The following TMEM230 variants were observed in gnomAD, a reference collection of about 807,000 sequenced individuals.
The protein encoded by TMEM230 is transmembrane protein 230.
In TMEM230, 10 loss-of-function variants were observed where a neutral mutation model predicts 15.8. The ratio of observed to expected loss-of-function variants is 0.63; its 90% CI spans 0.39 to 1.07. The LOEUF (loss-of-function observed/expected upper bound fraction) is 1.07. Among genes scored for constraint, TMEM230 ranks in the 50% least tolerant of loss-of-function variants. The pLI, the probability that TMEM230 is intolerant of heterozygous loss-of-function variation, is 0.01. For missense variants in TMEM230, 165 were observed against 193.3 expected (o/e 0.85, Z 0.87); for synonymous variants, 67 against 76.9 (o/e 0.87, Z 0.68).
chr20:5,104,074 G>GA (rs372230596), intron 4 of TMEM230, among the ~76,000 whole-genome samples: 172 of 151,970 alleles, frequency 1.1e-3, no homozygotes, highest in African/African-American at 3.7e-3. Flanking sequence ...AACTCTGTAG[G>GA]AAAAAAAATC....
Position 5,088,800 on chromosome 20 carries a change from C to A in TMEM230, c.222+17388G>T, listed in dbSNP as rs141102828. On this transcript the variant is annotated intron_variant, in intron 3 of 3. Transcript: ENST00000612323. The stretch of plus-strand genomic sequence containing the variant: ...AAGTGCTGATATTACAGGCGTGAGC[C>A]ACCATGCCCAACCCAGAACCAGGTT... Among the ~76,000 whole-genome samples the A allele has an allele frequency of 8.5e-5, 13 of 152,300 alleles. No individual in the cohort carries two copies. The East Asian group carries it at 2.5e-3, about 29-fold the overall frequency.
chr20:5,106,412 GTTTGT>G (rs2090095203), intron 3 of TMEM230, 102 bp from the exon 3 acceptor site: 2 of 1,397,376 alleles, frequency 1.4e-6, no homozygotes, highest in South Asian at 3.0e-5. Flanking sequence ...GTTTTTGTTT[GTTTGT>G]TTTGAGATGG....
chr20:5,062,491 C>G, the TMEM230 span, among the ~76,000 whole-genome samples: 1 of 152,156 alleles, frequency 6.6e-6, no homozygotes, highest in South Asian at 2.1e-4. Context: ...CACAGTGGCT[C>G]ACACCTGTAA....
chr20:5,090,112 AC>A lies in TMEM230; in HGVS notation c.222+16075del, dbSNP rs112012604. 1.0e-3 allele frequency among the ~76,000 whole-genome samples: 156 copies of A among 152,340 alleles called. 3 individuals carry two copies. The South Asian group carries it at 0.015, about 15-fold the overall frequency. ...CAAAAAGACAAAATATGGAAAAGAGACAAAAATATGAAAAATAGAAAAGGAC... is the reference window on the plus strand; with the variant it reads ...CAAAAAGACAAAATATGGAAAAGAGAAAAAATATGAAAAATAGAAAAGGAC... On this transcript the variant is annotated intron_variant, in intron 3 of 3. Transcript: ENST00000612323.
In TMEM230 at chr20:5,099,920, A is replaced by C; in HGVS notation, c.*871T>G. ...TTTTAATTTCTTTGGAATATAAGTC[A>C]CTTTTTGCAAGCTAAAAAATAGAAT... is the stretch of plus-strand genomic sequence containing the variant. On this transcript the variant is annotated 3_prime_UTR_variant, in exon 5 of 5. Coordinates refer to ENST00000342308, the MANE Select transcript of TMEM230 (RefSeq NM_001009923.2). The C allele has an allele frequency of 2.0e-6, 2 of 984,956 alleles. No homozygotes were observed. The highest frequency in any genetic ancestry group is 2.4e-6 in the Non-Finnish European group (2 of 829,476). 61.0% of individuals were successfully genotyped at this position (984,956 alleles called of 1,614,324 possible).
At chr20:5,079,512 A>G (rs2089114152) in intron 3 of TMEM230, among the ~76,000 whole-genome samples, 1 of 152,058 alleles carries the variant, frequency 6.6e-6, no homozygotes, top group Non-Finnish European at 1.5e-5. Flanking sequence ...GTTTTTAGAG[A>G]CAGCTTGCTC....
chr20:5,085,966 TCC>T (rs1337349310), intron 3 of TMEM230, among the ~76,000 whole-genome samples: 2 of 152,284 alleles, frequency 1.3e-5, no homozygotes, highest in East Asian at 3.9e-4. Context: ...CACAGGCTGC[TCC>T]ATCAGTCCAG....
intron 3 of TMEM230, among the ~76,000 whole-genome samples, chr20:5,090,248 CA>C (rs2089469569): frequency 1.3e-5 from 2 of 152,008 alleles, no homozygotes; most frequent in African/African-American, 4.8e-5. Flanking sequence ...CATGAGTTTC[CA>C]GACTGAAAGG....
intron 3 of TMEM230, among the ~76,000 whole-genome samples, chr20:5,092,536 G>A (rs2089540333): frequency 6.6e-6 from 1 of 152,084 alleles, no homozygotes; most frequent in Middle Eastern, 3.2e-3. Context: ...TGACCAACAT[G>A]GAGAAACCCT....
At chr20:5,101,065 G>A (rs2122719413) in intron 4 of TMEM230, 134 bp from the exon 4 acceptor site, 8 of 1,093,274 alleles carry the variant, frequency 7.3e-6, no homozygotes, top group South Asian at 7.2e-5. Context: ...TACCACCAAG[G>A]GAAAAGGTTT....
At chr20:5,076,278 C>T (rs1189847676) in intron 3 of TMEM230, among the ~76,000 whole-genome samples, 1 of 152,030 alleles carries the variant, frequency 6.6e-6, no homozygotes, top group African/African-American at 2.4e-5. Context: ...TGGTAGCTCA[C>T]GCCTGTAATC....
chr20:5,092,437 G>T (rs1181059192), intron 3 of TMEM230, among the ~76,000 whole-genome samples: 2 of 152,136 alleles, frequency 1.3e-5, no homozygotes, highest in Non-Finnish European at 2.9e-5. Context: ...AGAAAGGCAG[G>T]CCAGGCACGG....
At chr20:5,105,056 G>A (rs1467264817) in intron 4 of TMEM230, among the ~76,000 whole-genome samples, 1 of 152,190 alleles carries the variant, frequency 6.6e-6, no homozygotes, top group East Asian at 1.9e-4. Flanking sequence ...AGGCCCACGC[G>A]GGCAGGCCGC....
downstream of TMEM230, among the ~76,000 whole-genome samples, chr20:5,098,068 GC>G (rs2089719498): frequency 7.3e-6 from 1 of 137,456 alleles, no homozygotes. Flanking sequence ...ACCTTAGCCT[GC>G]CGGGTTCAAG....
At chr20:5,112,818 T>C in intron 1 of TMEM230, 143 bp downstream of exon 1, 1 of 1,517,844 alleles carries the variant, frequency 6.6e-7, no homozygotes, top group Non-Finnish European at 8.8e-7. Context: ...AACGGGCTTC[T>C]GGAAAGAGGC....
At chr20:5,107,974 T>C (rs1202856454) in intron 3 of TMEM230, among the ~76,000 whole-genome samples, 2 of 151,472 alleles carry the variant, frequency 1.3e-5, no homozygotes, top group Non-Finnish European at 2.9e-5. Context: ...TGGCCAGGCA[T>C]GGTGGTGCAT....
chr20:5,080,571 C>CT lies in TMEM230; in HGVS notation c.223-11223dup, dbSNP rs113973297. On this transcript the variant is annotated intron_variant, in intron 3 of 3. Coordinates refer to the TMEM230 transcript ENST00000612323. Reference sequence around the variant, plus strand: ...TTTTTAGTTTCTAAAGTCTTTCTGTCTTTTTTTTTTTTTGAAATGGAGTCT... The same window carrying CT: ...TTTTTAGTTTCTAAAGTCTTTCTGTCTTTTTTTTTTTTTTGAAATGGAGTCT... Among the ~76,000 whole-genome samples the CT allele has an allele frequency of 5.7e-3, 827 of 144,802 alleles. 9 individuals are homozygous for CT. Among genetic ancestry groups the CT allele is most frequent in the African/African-American group, 0.017 (669 of 39,694 alleles). 95.0% of individuals were successfully genotyped at this position (144,802 alleles called of 152,430 possible).
chr20:5,086,437 G>A (rs1179381035), intron 3 of TMEM230, among the ~76,000 whole-genome samples: 2 of 150,434 alleles, frequency 1.3e-5, no homozygotes, highest in Non-Finnish European at 3.0e-5. Context: ...TGCTTGGGAG[G>A]CTAAGGCTGG....
chr20:5,083,285 ATTTT>A lies in TMEM230; in HGVS notation c.223-13940_223-13937del, dbSNP rs71197748. Among the ~76,000 whole-genome samples the A allele has an allele frequency of 4.5e-3, 539 of 119,908 alleles. 3 individuals carry two copies. The highest frequency in any genetic ancestry group is 9.2e-3 in the African/African-American group (280 of 30,520). The allele number at this position is 119,908 out of a possible 152,430, so 78.7% of individuals were successfully genotyped here. On this transcript the variant is annotated intron_variant, in intron 3 of 3. Coordinates refer to the TMEM230 transcript ENST00000612323. ...CATCTTTTTGAAGTTGGTTAGGGAG[ATTTT>A]TTTTTTTTTTTTTTTTTTTTTAGGA...
Sources: gnomAD v4.1 joint callset for allele counts (sites outside exome capture counted in the v4.1 genomes callset) on GRCh38, gnomAD v4.1.1 for gene constraint, MANE v1.5 for transcripts, NCBI Gene and HGNC (gene_info 2026-07-23, HGNC 2026-07-21) for gene names.